MYO5C: variants seen among roughly 807,000 people sequenced by gnomAD.
MYO5C encodes the protein myosin VC.
MYO5C carries 194 observed loss-of-function variants against 235.7 expected under a neutral mutation model. The observed-to-expected ratio is 0.82, with a 90% CI of 0.73 to 0.93. The LOEUF is 0.93. MYO5C is among the 40% of genes least tolerant of loss of function. MYO5C has a pLI of 0.00. For missense variants in MYO5C, 2,038 were observed against 2,127.2 expected (o/e 0.96, Z 0.82); for synonymous variants, 707 against 754.8 (o/e 0.94, Z 1.04).
At chr15:52,237,312 A>G in intron 22 of MYO5C, 170 bp downstream of exon 22, 1 of 713,574 alleles carries the variant, frequency 1.4e-6, no homozygotes, top group Non-Finnish European at 2.3e-6. Context: ...CTAGACTCTA[A>G]TCCTCTGATC....
intron 6 of MYO5C, among the ~76,000 whole-genome samples, chr15:52,272,088 A>T (rs984848073): frequency 5.3e-5 from 8 of 152,230 alleles, no homozygotes; most frequent in Non-Finnish European, 1.2e-4. Flanking sequence ...TGAAATGGGA[A>T]TGGCGTAACT....
At chr15:52,251,271 T>A in intron 13 of MYO5C, 119 bp downstream of exon 13, 3 of 984,506 alleles carry the variant, frequency 3.0e-6, no homozygotes, top group Non-Finnish European at 4.3e-6. Flanking sequence ...CACACACTCA[T>A]CAAAGCTACA....
intron 38 of MYO5C, among the ~76,000 whole-genome samples, chr15:52,203,947 T>C (rs1249635245): frequency 6.6e-6 from 1 of 152,202 alleles, no homozygotes; most frequent in African/African-American, 2.4e-5. Context: ...CTTTGTCACC[T>C]TCCCTTACGT....
At chr15:52,231,948 C>T (rs1037824958) in intron 24 of MYO5C, among the ~76,000 whole-genome samples, 2 of 152,238 alleles carry the variant, frequency 1.3e-5, no homozygotes, top group African/African-American at 4.8e-5. Flanking sequence ...CTTACCTTAT[C>T]TTTTGGGATA....
In MYO5C at chr15:52,232,635, C is replaced by G; in HGVS notation, c.3013G>C (p.Glu1005Gln). Residue 1005 changes from glutamate (E) to glutamine (Q), a missense_variant, in exon 24 of 41, where the codon GAA (glutamate) becomes CAA (glutamine). Transcript: ENST00000261839. ...TAGATTCCATACATTCTTTGCCGTT[C>G]TTCCTTTTGTACATCATCAAAGAGC... ...KQLFDDVQKE[E>Q]RQRMLLEKSF... 6.2e-7 allele frequency: 1 copy of G among 1,613,680 alleles called. No homozygotes were observed. Among genetic ancestry groups the G allele is most frequent in the Non-Finnish European group, 8.5e-7 (1 of 1,179,890 alleles).
intron 25 of MYO5C, among the ~76,000 whole-genome samples, chr15:52,228,677 A>G (rs1017851890): frequency 3.9e-5 from 6 of 152,314 alleles, no homozygotes; most frequent in Non-Finnish European, 5.9e-5. Flanking sequence ...GCAATTTTGA[A>G]TGTACAATAT....
chr15:52,264,308 C>G lies in MYO5C; in HGVS notation c.941-12G>C. The G allele has an allele frequency of 6.3e-7, 1 of 1,599,806 alleles. No individual in the cohort carries two copies. The highest frequency in any genetic ancestry group is 8.6e-7 in the Non-Finnish European group (1 of 1,167,738). On this transcript the variant is annotated splice_polypyrimidine_tract_variant and intron_variant, in intron 8 of 40. Transcript: ENST00000261839. Reference sequence around the variant, plus strand: ...ATCCTCCTTGAAACCTAAAAACAAACATTTTCCCAGATTAGAATACTGCAT... The same window carrying G: ...ATCCTCCTTGAAACCTAAAAACAAAGATTTTCCCAGATTAGAATACTGCAT...
At chr15:52,222,137 G>A (rs1316243968) in intron 29 of MYO5C, among the ~76,000 whole-genome samples, 1 of 152,160 alleles carries the variant, frequency 6.6e-6, no homozygotes, top group Non-Finnish European at 1.5e-5. Flanking sequence ...TGCTTGGTAG[G>A]TCAGGTGTAT....
intron 1 of MYO5C, among the ~76,000 whole-genome samples, chr15:52,288,645 C>G (rs555156443): frequency 1.1e-4 from 17 of 152,348 alleles, no homozygotes; most frequent in Non-Finnish European, 2.2e-4. Flanking sequence ...GAAGAGTTAA[C>G]TTTACAGCAT....
At chr15:52,282,566 G>C (rs1198696901) in intron 2 of MYO5C, among the ~76,000 whole-genome samples, 2 of 152,204 alleles carry the variant, frequency 1.3e-5, no homozygotes. Context: ...TACAGAGAGA[G>C]GCCCGGTGGA....
chr15:52,242,846 C>G (rs2036257542), intron 19 of MYO5C: 1 of 152,194 alleles, frequency 6.6e-6, no homozygotes, highest in South Asian at 2.1e-4. Context: ...ACAGTGAAGG[C>G]TGGAAAAGGC....
At chr15:52,224,761 A>G (rs1351824674) in intron 28 of MYO5C, 140 bp downstream of exon 28, 17 of 687,022 alleles carry the variant, frequency 2.5e-5, no homozygotes, top group Non-Finnish European at 2.9e-5. Context: ...TACTTCTCAG[A>G]GAAATATTTC....
rs1555417672 is a variant in MYO5C at position 52,256,589 on chromosome 15, G to GCGCGCGCGCA, written c.1395+49_1395+50insTGCGCGCGCG. On this transcript the variant is annotated intron_variant, in intron 11 of 40. Coordinates refer to ENST00000261839, the MANE Select transcript of MYO5C (RefSeq NM_018728.4). ...CACACACACACACACACACACACACGCGCGCGCGCGCGGCTGAGAACTAGT... is the reference window on the plus strand; with the variant it reads ...CACACACACACACACACACACACACGCGCGCGCGCACGCGCGCGCGCGGCTGAGAACTAGT... 1.0e-4 allele frequency: 42 copies of GCGCGCGCGCA among 418,294 alleles called. No individual in the cohort carries two copies. The African/African-American group carries it at 1.2e-3, about 12-fold the overall frequency. 25.9% of individuals were successfully genotyped at this position (418,294 alleles called of 1,614,324 possible).
At position 52,287,594 on chromosome 15, in the gene MYO5C, A is replaced by G. The variant is rs145791099; in HGVS notation, c.28-4702T>C. 5.8e-3 allele frequency among the ~76,000 whole-genome samples: 880 copies of G among 152,344 alleles called. 12 individuals are homozygous for G. Among genetic ancestry groups the G allele is most frequent in the African/African-American group, 0.02 (846 of 41,562 alleles). ...TGTACATGAATTACCAAATTTATCAAGAATTGGCCACTACAGAGTCTCAGA... is the reference window on the plus strand; with the variant it reads ...TGTACATGAATTACCAAATTTATCAGGAATTGGCCACTACAGAGTCTCAGA... On this transcript the variant is annotated intron_variant, in intron 1 of 40. Coordinates refer to ENST00000261839, the MANE Select transcript of MYO5C (RefSeq NM_018728.4).
chr15:52,272,531 A>C (rs200446952), intron 6 of MYO5C, 49 bp downstream of exon 6: 39 of 1,585,972 alleles, frequency 2.5e-5, no homozygotes, highest in Admixed American at 3.4e-5. Context: ...TAAGTATGTA[A>C]ATGTAAATAA....
rs868711869 is a variant in MYO5C, at chr15:52,246,858, A to T, written c.1979+59T>A. 27 of 1,436,806 alleles carry T rather than the reference A, an allele frequency of 1.9e-5. 1 individual carries two copies. In the South Asian group the frequency reaches 3.3e-4, roughly 18 times the overall value. The allele number at this position is 1,436,806 out of a possible 1,614,324, so 89.0% of individuals were successfully genotyped here. ...AAGACAATTGGAAGCAAATTCTCCAACTTTATGGCAGAAACTGCCTTCCCA... is the reference window on the plus strand; with the variant it reads ...AAGACAATTGGAAGCAAATTCTCCATCTTTATGGCAGAAACTGCCTTCCCA... On this transcript the variant is annotated intron_variant, in intron 16 of 40. Transcript: ENST00000261839.
At chr15:52,265,607 T>C (rs903478584) in intron 8 of MYO5C, among the ~76,000 whole-genome samples, 3 of 151,874 alleles carry the variant, frequency 2.0e-5, no homozygotes, top group Non-Finnish European at 2.9e-5. Context: ...GGTGTGATCA[T>C]GGCTCACTGC....
intron 11 of MYO5C, among the ~76,000 whole-genome samples, chr15:52,255,834 C>T (rs1167381894): frequency 6.8e-6 from 1 of 147,596 alleles, no homozygotes; most frequent in Non-Finnish European, 1.5e-5. Context: ...ACCTGGTATA[C>T]ACAGTATACA....
chr15:52,295,688 G>T lies in MYO5C; in HGVS notation c.-52C>A. The T allele has an allele frequency of 7.9e-7, 1 of 1,266,628 alleles. No individual in the cohort carries two copies. The highest frequency in any genetic ancestry group is 1.0e-6 in the Non-Finnish European group (1 of 971,056). The allele number at this position is 1,266,628 out of a possible 1,614,324, so 78.5% of individuals were successfully genotyped here. A position where few individuals can be genotyped will look rare whatever the true frequency, so the allele number is the denominator to read the frequency against. ...GGGCTGCCGAACGTGCGAGGCTCGG[G>T]GGCTGGGCCTGCGCCGCAGAGGCCG... On this transcript the variant is annotated 5_prime_UTR_variant, in exon 1 of 41. Coordinates refer to ENST00000261839, the MANE Select transcript of MYO5C (RefSeq NM_018728.4).
Sources: gnomAD v4.1 joint callset for allele counts (sites outside exome capture counted in the v4.1 genomes callset) on GRCh38, gnomAD v4.1.1 for gene constraint, MANE v1.5 for transcripts, NCBI Gene and HGNC (gene_info 2026-07-23, HGNC 2026-07-21) for gene names.